The following MCMBP variants were observed in gnomAD, a reference collection of about 807,000 sequenced individuals.
MCMBP encodes minichromosome maintenance complex binding protein, also known as mini-chromosome maintenance complex-binding protein.
In MCMBP, 31 loss-of-function variants were observed where a neutral mutation model predicts 81.3. The ratio of observed to expected loss-of-function variants is 0.38; its 90% confidence interval spans 0.29 to 0.51. MCMBP has a LOEUF of 0.51. MCMBP is among the 20% of genes least tolerant of loss of function. The probability of loss-of-function intolerance (pLI) is 0.87; values close to 1 mark genes in which losing one functional copy is unlikely to be tolerated. For missense variants in MCMBP, 645 were observed against 772.1 expected, an observed-to-expected ratio of 0.84 and a Z score of 1.95; for synonymous variants, 267 against 275.9, an observed-to-expected ratio of 0.97 and a Z score of 0.32.
intron 5 of MCMBP, among the ~76,000 whole-genome samples, chr10:119,855,491 A>G (rs1280758210): frequency 6.6e-6 from 1 of 151,980 alleles, no homozygotes; most frequent in Non-Finnish European, 1.5e-5. Context: ...CCAACATGGT[A>G]AAACCCCGTC....
chr10:119,850,574 C>A (rs2134370834), intron 6 of MCMBP, among the ~76,000 whole-genome samples: 1 of 151,778 alleles, frequency 6.6e-6, no homozygotes, highest in African/African-American at 2.4e-5. Flanking sequence ...ACGGTGAAAC[C>A]CCGTCTCTAC....
intron 1 of MCMBP, 21 bp downstream of exon 1, chr10:119,872,506 C>T (rs977399087): frequency 3.4e-6 from 4 of 1,178,918 alleles, no homozygotes; most frequent in Non-Finnish European, 4.2e-6. Context: ...GCCCGGCCCG[C>T]CCCCCGGCGC....
At chr10:119,841,247 C>T (rs926308710) in intron 10 of MCMBP, among the ~76,000 whole-genome samples, 4 of 152,082 alleles carry the variant, frequency 2.6e-5, no homozygotes, top group Admixed American at 6.6e-5. Flanking sequence ...ATGAGAAATC[C>T]GAGGCACAGA....
intron 5 of MCMBP, among the ~76,000 whole-genome samples, chr10:119,855,802 A>G (rs1386768981): frequency 6.6e-6 from 1 of 152,266 alleles, no homozygotes; most frequent in African/African-American, 2.4e-5. Context: ...AATGAAAGAG[A>G]TCAATGCTAG....
intron 8 of MCMBP, among the ~76,000 whole-genome samples, 167 bp from the exon 9 acceptor site, chr10:119,843,593 A>G (rs529423032): frequency 4.9e-4 from 74 of 152,368 alleles, no homozygotes; most frequent in Middle Eastern, 3.4e-3. Context: ...GTTACATCAC[A>G]CAGACTTCAG....
At position 119,853,092 on chromosome 10, in the gene MCMBP, G is replaced by A. The variant is rs748571728; in HGVS notation, c.532C>T (p.Pro178Ser). 4 of 1,614,042 alleles carry A rather than the reference G, an allele frequency of 2.5e-6. No individual in the cohort carries two copies. Among genetic ancestry groups the A allele is most frequent in the Non-Finnish European group, 3.4e-6 (4 of 1,180,034 alleles). The change falls in exon 6 of 16, where the codon CCC (proline) becomes TCC (serine). Residue 178 changes from proline (P) to serine (S), a missense_variant. Pro to Ser is a moderately conservative substitution (Grantham distance 74). Transcript: ENST00000369077. ...YEDDDDMDLQ[P>S]NKQKDQHAGA... ...GCATGTTGGTCTTTCTGCTTATTGG[G>A]CTGTAGGTCCATATCGTCATCATCT... is the stretch of plus-strand genomic sequence containing the variant.
At chr10:119,831,766 A>G (rs1169880797) in intron 15 of MCMBP, among the ~76,000 whole-genome samples, 166 bp from the exon 16 acceptor site, 3 of 152,238 alleles carry the variant, frequency 2.0e-5, no homozygotes, top group Non-Finnish European at 4.4e-5. Context: ...CTAAAAAGAA[A>G]TCGTTGAAGA....
intron 1 of MCMBP, among the ~76,000 whole-genome samples, 180 bp downstream of exon 1, chr10:119,872,347 T>C (rs1378391468): frequency 6.6e-6 from 1 of 151,822 alleles, no homozygotes; most frequent in African/African-American, 2.4e-5. Context: ...CTCCTGCCCC[T>C]GCCTGCTGCG....
At chr10:119,866,352 G>A (rs528852100) in intron 1 of MCMBP, among the ~76,000 whole-genome samples, 87 of 151,892 alleles carry the variant, frequency 5.7e-4, no homozygotes, top group South Asian at 3.7e-3. Flanking sequence ...GTGGCCGGGC[G>A]TGGTGGCTCA....
intron 1 of MCMBP, among the ~76,000 whole-genome samples, chr10:119,870,223 CG>C (rs1376300971): frequency 1.3e-5 from 2 of 152,104 alleles, no homozygotes; most frequent in Non-Finnish European, 2.9e-5. Context: ...CCGAGGCGGG[CG>C]GATCACGAGG....
chr10:119,832,483 C>G (rs1242360317), intron 14 of MCMBP, among the ~76,000 whole-genome samples: 1 of 152,106 alleles, frequency 6.6e-6, no homozygotes, highest in African/African-American at 2.4e-5. Context: ...AGCATTTATG[C>G]AAGAAAACCA....
intron 10 of MCMBP, among the ~76,000 whole-genome samples, chr10:119,842,002 A>G (rs1371493726): frequency 2.6e-5 from 4 of 152,118 alleles, no homozygotes; most frequent in Non-Finnish European, 4.4e-5. Flanking sequence ...TGAGGGGTGG[A>G]TGAGTGGGCA....
At position 119,847,183 on chromosome 10, in the gene MCMBP, G is replaced by C. The variant is rs145462464; in HGVS notation, c.827+430C>G. 4.7e-3 allele frequency among the ~76,000 whole-genome samples: 721 copies of C among 152,242 alleles called. 9 individuals carry two copies. The highest frequency in any genetic ancestry group is 0.016 in the African/African-American group (673 of 41,552). ...ATACAGTATGAACTCAGTAGAAATAGAGAATGAGCGAGCTTCTGAACCCTG... is the reference window on the plus strand; with the variant it reads ...ATACAGTATGAACTCAGTAGAAATACAGAATGAGCGAGCTTCTGAACCCTG... On this transcript the variant is annotated intron_variant, in intron 8 of 15. Transcript: ENST00000369077.
rs577908986 is a variant in MCMBP at position 119,856,178 on chromosome 10, C to T, written c.429+1160G>A. Among the ~76,000 whole-genome samples the T allele has an allele frequency of 1.1e-4, 16 of 152,244 alleles. No individual in the cohort carries two copies. The South Asian group carries it at 2.1e-3, about 20-fold the overall frequency. On this transcript the variant is annotated intron_variant, in intron 5 of 15. Coordinates refer to ENST00000369077, the MANE Select transcript of MCMBP (RefSeq NM_001256378.2). ...TGGAGGTTGCAGTGAGCCAAGATCA[C>T]GCTACTGCACTTCAGACTAGCAGCA... is the stretch of plus-strand genomic sequence containing the variant.
chr10:119,846,729 AGTAACTG>A (rs1852631793), intron 8 of MCMBP, among the ~76,000 whole-genome samples: 1 of 152,298 alleles, frequency 6.6e-6, no homozygotes, highest in South Asian at 2.1e-4. Context: ...TGAGGAAACA[AGTAACTG>A]GTAACTGGCT....
chr10:119,834,861 C>CAAAAAAAA (rs71019725), intron 14 of MCMBP, among the ~76,000 whole-genome samples: 2 of 67,300 alleles, frequency 3.0e-5, no homozygotes, highest in Non-Finnish European at 5.1e-5. Flanking sequence ...GACCCTGTCT[C>CAAAAAAAA]AAAAAAAAAA....
chr10:119,842,532 T>G lies in MCMBP; in HGVS notation c.1064A>C (p.His355Pro), dbSNP rs774400710. Residue 355 changes from histidine (H) to proline (P), a missense_variant, in exon 10 of 16, where the codon CAT (histidine) becomes CCT (proline). Transcript: ENST00000369077. ...VRAELLGFLT[H>P]ALLGDSLAAE... ...AGCCAAACTATCCCCCAGAAGGGCA[T>G]GAGTAAGGAACCCAAGAAGTTCTGC... is the stretch of plus-strand genomic sequence containing the variant. 2 of 1,613,932 alleles carry G rather than the reference T, an allele frequency of 1.2e-6. No homozygotes were observed. The highest frequency in any genetic ancestry group is 2.2e-5 in the South Asian group (2 of 91,080).
chr10:119,837,887 T>C (rs962324641), intron 12 of MCMBP, among the ~76,000 whole-genome samples: 11 of 152,120 alleles, frequency 7.2e-5, no homozygotes, highest in African/African-American at 2.7e-4. Flanking sequence ...AAAAAGCTAT[T>C]TGGGGCAGGT....
Position 119,859,060 on chromosome 10 carries a change from T to G in MCMBP, c.266A>C (p.Asn89Thr). Residue 89 changes from asparagine to threonine, a missense_variant, in exon 3 of 16, where the codon AAC becomes ACC. Transcript: ENST00000369077. ...EFYMGVYETV[N>T]QNTKAHVLHF... Reference sequence around the variant, plus strand: ...ACTTACATGTGCTTTTGTGTTTTGGTTAACCGTTTCATAAACTCCCATGTA... The same window carrying G: ...ACTTACATGTGCTTTTGTGTTTTGGGTAACCGTTTCATAAACTCCCATGTA... The G allele has an allele frequency of 6.2e-7, 1 of 1,613,772 alleles. No homozygotes were observed. Among genetic ancestry groups the G allele is most frequent in the Non-Finnish European group, 8.5e-7 (1 of 1,179,810 alleles).
Sources: allele counts gnomAD v4.1 joint callset (sites outside exome capture counted in the v4.1 genomes callset), GRCh38; gene constraint gnomAD v4.1.1; transcripts MANE v1.5; gene names NCBI Gene and HGNC (gene_info 2026-07-23, HGNC 2026-07-21).